The following GPM6A variants were observed in gnomAD, a reference collection of about 807,000 sequenced individuals.
GPM6A encodes the protein glycoprotein M6A, also known as neuronal membrane glycoprotein M6-a.
In GPM6A, 7 loss-of-function variants were observed where a neutral mutation model predicts 32.1. The ratio of observed to expected loss-of-function variants is 0.22; its 90% CI spans 0.12 to 0.41. The LOEUF (loss-of-function observed/expected upper bound fraction) is 0.41, where lower values mean the gene tolerates loss of function less well. Ranked by LOEUF, GPM6A falls within the 10% of genes least tolerant of loss-of-function variation. The pLI is 1.00. For synonymous variants in GPM6A, 130 were observed against 123.4 expected, an observed-to-expected ratio of 1.05 and a Z score of -0.35; for missense variants, 235 against 347.2, an observed-to-expected ratio of 0.68 and a Z score of 2.57.
At chr4:175,834,159 G>C (rs1272103833) in intron 1 of GPM6A, among the ~76,000 whole-genome samples, 1 of 151,714 alleles carries the variant, frequency 6.6e-6, no homozygotes, top group Non-Finnish European at 1.5e-5. Flanking sequence ...CTGTTTATTT[G>C]CCAGGCCTTT....
At chr4:175,985,533 C>T (rs1740948684) in intron 1 of GPM6A, among the ~76,000 whole-genome samples, 1 of 152,108 alleles carries the variant, frequency 6.6e-6, no homozygotes, top group Non-Finnish European at 1.5e-5. Flanking sequence ...CTCCATCTTT[C>T]CAACCTTTCC....
At chr4:175,795,319 C>G (rs1255183148) in intron 1 of GPM6A, among the ~76,000 whole-genome samples, 1 of 152,154 alleles carries the variant, frequency 6.6e-6, no homozygotes, top group African/African-American at 2.4e-5. Context: ...TTCGAAGGCA[C>G]TCAATAATCC....
intron 1 of GPM6A, among the ~76,000 whole-genome samples, chr4:175,977,245 A>G (rs1032910618): frequency 6.6e-6 from 1 of 152,202 alleles, no homozygotes; most frequent in Non-Finnish European, 1.5e-5. Context: ...GGAAATTCCT[A>G]TCACAAATTG....
intron 1 of GPM6A, among the ~76,000 whole-genome samples, chr4:175,722,045 G>T (rs1746160171): frequency 6.6e-6 from 1 of 152,042 alleles, no homozygotes; most frequent in African/African-American, 2.4e-5. Flanking sequence ...CTAGAACTTT[G>T]AGAGGCTGAG....
intron 1 of GPM6A, among the ~76,000 whole-genome samples, chr4:175,860,095 A>G (rs940571396): frequency 6.6e-6 from 1 of 152,024 alleles, no homozygotes; most frequent in Non-Finnish European, 1.5e-5. Flanking sequence ...TTAAAAAAGA[A>G]GAAAGATCTA....
At chr4:175,946,115 C>T (rs907131396) in intron 1 of GPM6A, among the ~76,000 whole-genome samples, 2 of 151,826 alleles carry the variant, frequency 1.3e-5, no homozygotes, top group African/African-American at 4.8e-5. Flanking sequence ...AGTACTTGTA[C>T]CCCCTAAATC....
chr4:175,687,264 A>G (rs1158221017), intron 2 of GPM6A, among the ~76,000 whole-genome samples: 1 of 152,184 alleles, frequency 6.6e-6, no homozygotes, highest in Non-Finnish European at 1.5e-5. Context: ...GTGGTATAGC[A>G]GATCATTCAA....
chr4:175,825,544 A>G (rs950856163), intron 1 of GPM6A, among the ~76,000 whole-genome samples: 1 of 152,204 alleles, frequency 6.6e-6, no homozygotes, highest in African/African-American at 2.4e-5. Flanking sequence ...AGGTTCTTAC[A>G]TGGGCAATGA....
intron 1 of GPM6A, among the ~76,000 whole-genome samples, chr4:175,720,069 G>A (rs913991056): frequency 6.6e-6 from 1 of 152,158 alleles, no homozygotes; most frequent in African/African-American, 2.4e-5. Flanking sequence ...AGCAAATTCA[G>A]TCTTGACCAA....
chr4:175,938,399 G>T (rs568136542), intron 1 of GPM6A, among the ~76,000 whole-genome samples: 1 of 152,226 alleles, frequency 6.6e-6, no homozygotes, highest in African/African-American at 2.4e-5. Context: ...TTTCTCCACA[G>T]CCGCGCCAGC....
At chr4:175,926,465 A>AT (rs1398808895) in intron 1 of GPM6A, among the ~76,000 whole-genome samples, 1 of 152,170 alleles carries the variant, frequency 6.6e-6, no homozygotes, top group Admixed American at 6.5e-5. Context: ...TCACTGGATA[A>AT]TTTTATACTC....
At chr4:175,745,638 T>C (rs1240095621) in intron 1 of GPM6A, among the ~76,000 whole-genome samples, 10 of 152,096 alleles carry the variant, frequency 6.6e-5, no homozygotes, top group Non-Finnish European at 1.5e-4. Flanking sequence ...AACGAGAACA[T>C]TATAATTATT....
At chr4:175,958,060 T>A (rs1740045460) in intron 1 of GPM6A, among the ~76,000 whole-genome samples, 1 of 152,116 alleles carries the variant, frequency 6.6e-6, no homozygotes, top group Non-Finnish European at 1.5e-5. Flanking sequence ...GCCTGGCTAA[T>A]TTTTGTGTTT....
At chr4:175,943,716 C>T (rs1739491646) in intron 1 of GPM6A, among the ~76,000 whole-genome samples, 1 of 152,122 alleles carries the variant, frequency 6.6e-6, no homozygotes, top group Non-Finnish European at 1.5e-5. Flanking sequence ...AGCCTTACAT[C>T]CCAGGGATGA....
intron 3 of GPM6A, among the ~76,000 whole-genome samples, chr4:175,667,485 A>T (rs1046605033): frequency 6.6e-6 from 1 of 152,200 alleles, no homozygotes; most frequent in African/African-American, 2.4e-5. Flanking sequence ...GTAATATGGT[A>T]TCCCGAATGG....
At chr4:175,671,849 G>A (rs1236156892) in intron 3 of GPM6A, among the ~76,000 whole-genome samples, 1 of 152,174 alleles carries the variant, frequency 6.6e-6, no homozygotes, top group Non-Finnish European at 1.5e-5. Flanking sequence ...GTGTCAGGGA[G>A]GTGTTACAGG....
chr4:175,749,995 A>C (rs949114562), intron 1 of GPM6A, among the ~76,000 whole-genome samples: 1 of 152,164 alleles, frequency 6.6e-6, no homozygotes, highest in African/African-American at 2.4e-5. Context: ...CATTTTGTAC[A>C]TAAAGATCAG....
chr4:175,891,555 A>G (rs1430818191), intron 1 of GPM6A: 1 of 152,236 alleles, frequency 6.6e-6, no homozygotes, highest in East Asian at 1.9e-4. Flanking sequence ...TCCATCATCG[A>G]AATGTACCGA....
At chr4:175,874,557 T>A (rs1356868388) in intron 1 of GPM6A, among the ~76,000 whole-genome samples, 2 of 151,976 alleles carry the variant, frequency 1.3e-5, no homozygotes, top group African/African-American at 2.4e-5. Context: ...CTTTTGAAAC[T>A]TTCACAGAGA....
Sources: allele counts gnomAD v4.1 joint callset (sites outside exome capture counted in the v4.1 genomes callset), GRCh38; gene constraint gnomAD v4.1.1; transcripts MANE v1.5; gene names NCBI Gene and HGNC (gene_info 2026-07-23, HGNC 2026-07-21).